IMMP2L: variants seen among roughly 807,000 people sequenced by gnomAD.
IMMP2L encodes mitochondrial inner membrane protease subunit 2.
In IMMP2L, 18 loss-of-function variants were observed where a neutral mutation model predicts 19.3. The observed-to-expected ratio is 0.93, with a 90% CI of 0.64 to 1.38. The LOEUF (loss-of-function observed/expected upper bound fraction) is 1.38, where lower values mean the gene tolerates loss of function less well. Ranked by LOEUF, IMMP2L falls within the 40% of genes most tolerant of loss-of-function variation. The probability of loss-of-function intolerance (pLI) is 0.00; values close to 1 mark genes in which losing one functional copy is unlikely to be tolerated. For missense variants in IMMP2L, 233 were observed against 218.2 expected (o/e 1.07, Z -0.43); for synonymous variants, 76 against 73.0 (o/e 1.04, Z -0.21).
At chr7:111,541,304 A>G (rs1848486935) in intron 1 of IMMP2L, among the ~76,000 whole-genome samples, 1 of 152,138 alleles carries the variant, frequency 6.6e-6, no homozygotes, top group South Asian at 2.1e-4. Context: ...TACACTTCTA[A>G]AGATAACACT....
At chr7:111,187,919 A>C (rs984375929) in intron 3 of IMMP2L, among the ~76,000 whole-genome samples, 1 of 152,124 alleles carries the variant, frequency 6.6e-6, no homozygotes, top group African/African-American at 2.4e-5. Flanking sequence ...TAAGATTTAC[A>C]TCCATATTGA....
chr7:110,741,903 A>C (rs1337734901), intron 5 of IMMP2L, among the ~76,000 whole-genome samples: 1 of 152,208 alleles, frequency 6.6e-6, no homozygotes, highest in Non-Finnish European at 1.5e-5. Context: ...CAATAAGTAT[A>C]AACATTTAGA....
chr7:110,905,583 G>A (rs144832222), intron 4 of IMMP2L, among the ~76,000 whole-genome samples: 1,891 of 152,188 alleles, frequency 0.012, 34 homozygotes, highest in African/African-American at 0.043. Flanking sequence ...AGGTAAAGAA[G>A]TTTAGGAAAA....
intron 5 of IMMP2L, among the ~76,000 whole-genome samples, chr7:110,752,617 T>G (rs1350377328): frequency 2.0e-5 from 3 of 152,016 alleles, no homozygotes; most frequent in African/African-American, 7.2e-5. Context: ...AGGGTTGTTC[T>G]GACATCATGA....
In IMMP2L at chr7:110,685,359, A is replaced by G. The variant is rs180924444; in HGVS notation, c.409-21638T>C. ...ACAATATCAACTCTGCAAGACTGCC[A>G]CAAGAATTAAATGGTATAATTTGCA... On this transcript the variant is annotated intron_variant, in intron 5 of 5. Coordinates refer to ENST00000405709, the MANE Select transcript of IMMP2L (RefSeq NM_032549.4). 2.4e-3 allele frequency among the ~76,000 whole-genome samples: 358 copies of G among 152,292 alleles called. 2 individuals carry two copies. The highest frequency in any genetic ancestry group is 4.0e-3 in the Non-Finnish European group (275 of 68,030).
intron 3 of IMMP2L, among the ~76,000 whole-genome samples, chr7:111,142,683 C>T (rs1803063393): frequency 6.6e-6 from 1 of 152,086 alleles, no homozygotes; most frequent in African/African-American, 2.4e-5. Flanking sequence ...CATGAGAGCA[C>T]ATATCATAAA....
intron 3 of IMMP2L, among the ~76,000 whole-genome samples, chr7:111,107,474 T>A: frequency 6.6e-6 from 1 of 151,996 alleles, no homozygotes; most frequent in Admixed American, 6.6e-5. Context: ...ATACTTATAT[T>A]AAAGCCATTT....
At chr7:110,952,462 A>G (rs541116485) in intron 4 of IMMP2L, among the ~76,000 whole-genome samples, 3 of 152,278 alleles carry the variant, frequency 2.0e-5, no homozygotes, top group East Asian at 3.9e-4. Flanking sequence ...TCCAAGTGTG[A>G]TCTGCTTCCT....
intron 3 of IMMP2L, among the ~76,000 whole-genome samples, chr7:111,152,386 G>A (rs1054552929): frequency 1.3e-5 from 2 of 151,970 alleles, no homozygotes; most frequent in Non-Finnish European, 2.9e-5. Flanking sequence ...TTCACCAACA[G>A]TATAGTACTC....
rs35229264 is a variant in IMMP2L at position 111,123,447 on chromosome 7, A to G, written c.240-159882T>C. The G allele has an allele frequency of 4.1e-3, 6,600 of 1,613,528 alleles. 26 individuals carry two copies. The highest frequency in any genetic ancestry group is 5.0e-3 in the Non-Finnish European group (5,857 of 1,179,822). On this transcript the variant is annotated intron_variant, in intron 3 of 5. Transcript: ENST00000405709. The surrounding 1 kb of genome is among the most constrained non-coding windows in gnomAD (Gnocchi z 6.4). ...TGGTTATAGCTGGTATAAACCTCAC[A>G]GAAATACCAGATAACGCCTTGGTTG...
chr7:110,987,762 T>G (rs1822009296), intron 3 of IMMP2L, among the ~76,000 whole-genome samples: 1 of 152,196 alleles, frequency 6.6e-6, no homozygotes, highest in South Asian at 2.1e-4. Context: ...CTAAAACCTG[T>G]TAACATATCA....
chr7:110,899,293 G>T (rs1161192942), intron 4 of IMMP2L, among the ~76,000 whole-genome samples: 2 of 152,046 alleles, frequency 1.3e-5, no homozygotes, highest in South Asian at 2.1e-4. Flanking sequence ...GTGACCAATG[G>T]TGCAAAATAA....
chr7:110,957,892 C>A (rs775609953), intron 4 of IMMP2L, among the ~76,000 whole-genome samples: 6 of 151,938 alleles, frequency 3.9e-5, no homozygotes, highest in Non-Finnish European at 7.4e-5. Flanking sequence ...TTCTTCATAG[C>A]ACTTCTTACC....
At position 110,785,270 on chromosome 7, in the gene IMMP2L, C is replaced by T. The variant is rs189406870; in HGVS notation, c.408+101323G>A. ...CATCTTTTAAAAATTTGCATCAACA[C>T]AGTCTTCTGCTTATTATCACTTTTA... is the stretch of plus-strand genomic sequence containing the variant. On this transcript the variant is annotated intron_variant, in intron 5 of 5. Transcript: ENST00000405709. 1.3e-3 allele frequency among the ~76,000 whole-genome samples: 195 copies of T among 152,080 alleles called. 1 individual carries two copies. Among genetic ancestry groups the T allele is most frequent in the African/African-American group, 4.2e-3 (176 of 41,528 alleles).
chr7:111,124,336 A>G, intron 3 of IMMP2L: 1 of 1,613,780 alleles, frequency 6.2e-7, no homozygotes, highest in South Asian at 1.1e-5. Context: ...ACAAGATAAC[A>G]ATGGCTCTTT....
intron 3 of IMMP2L, among the ~76,000 whole-genome samples, chr7:111,029,822 C>T (rs188199899): frequency 7.6e-4 from 116 of 152,280 alleles, no homozygotes; most frequent in African/African-American, 2.7e-3. Flanking sequence ...TCAACCTCAT[C>T]TTACTGATTT....
At chr7:111,199,984 C>G (rs529236035) in intron 3 of IMMP2L, among the ~76,000 whole-genome samples, 7 of 152,144 alleles carry the variant, frequency 4.6e-5, no homozygotes, top group African/African-American at 1.7e-4. Flanking sequence ...TTTAGTTTCT[C>G]TATTAAAACA....
intron 3 of IMMP2L, among the ~76,000 whole-genome samples, chr7:111,447,407 A>G (rs1315150959): frequency 6.7e-6 from 1 of 150,108 alleles, no homozygotes; most frequent in African/African-American, 2.5e-5. Context: ...AATATTCAAC[A>G]TTCTTAAAGA....
At chr7:111,532,309 C>T (rs1847466717) in intron 1 of IMMP2L, among the ~76,000 whole-genome samples, 1 of 152,056 alleles carries the variant, frequency 6.6e-6, no homozygotes, top group Non-Finnish European at 1.5e-5. Flanking sequence ...ACACTGCAGC[C>T]CTACTTCGGT....
Sources: allele counts gnomAD v4.1 joint callset (sites outside exome capture counted in the v4.1 genomes callset), GRCh38; gene constraint gnomAD v4.1.1; non-coding constraint Gnocchi (gnomAD v3.1); transcripts MANE v1.5; gene names NCBI Gene and HGNC (gene_info 2026-07-23, HGNC 2026-07-21).